NFKB1: variants seen among roughly 807,000 people sequenced by gnomAD.
NFKB1 encodes the protein nuclear factor kappa B subunit 1.
Under a neutral mutation model 105.1 loss-of-function variants are expected in NFKB1, and 9 were observed. The observed-to-expected ratio is 0.09, with a 90% CI of 0.05 to 0.15. The LOEUF is 0.15. Ranked by LOEUF, NFKB1 falls within the 10% of genes least tolerant of loss-of-function variation. The pLI is 1.00. For synonymous variants in NFKB1, 440 were observed against 442.2 expected, an observed-to-expected ratio of 1.00 and a Z score of 0.06; for missense variants, 830 against 1,203.7, an observed-to-expected ratio of 0.69 and a Z score of 4.59.
intron 5 of NFKB1, among the ~76,000 whole-genome samples, chr4:102,563,460 C>A (rs575579654): frequency 6.6e-6 from 1 of 151,930 alleles, no homozygotes; most frequent in Non-Finnish European, 1.5e-5. Flanking sequence ...AAAAAACTTT[C>A]AGGATGGTCA....
intron 5 of NFKB1, among the ~76,000 whole-genome samples, chr4:102,556,422 C>T (rs189995028): frequency 6.6e-5 from 10 of 152,254 alleles, no homozygotes; most frequent in Admixed American, 5.2e-4. Flanking sequence ...GACTGAGCAT[C>T]GATCTCTGCT....
chr4:102,530,400 C>T (rs547060834), intron 3 of NFKB1, among the ~76,000 whole-genome samples: 1 of 152,242 alleles, frequency 6.6e-6, no homozygotes, highest in South Asian at 2.1e-4. Context: ...TTGGATAAAA[C>T]TCATAATCCT....
At chr4:102,541,751 T>A (rs1742012436) in intron 5 of NFKB1, among the ~76,000 whole-genome samples, 1 of 152,132 alleles carries the variant, frequency 6.6e-6, no homozygotes. Flanking sequence ...AAATGATACT[T>A]CTGAGCCTAC....
At chr4:102,615,499 G>T (rs1728866969) in intron 23 of NFKB1, among the ~76,000 whole-genome samples, 1 of 152,210 alleles carries the variant, frequency 6.6e-6, no homozygotes, top group African/African-American at 2.4e-5. Flanking sequence ...CCGCACTTGA[G>T]AAAGGAATAA....
chr4:102,549,116 A>G (rs1048982036), intron 5 of NFKB1, among the ~76,000 whole-genome samples: 4 of 152,130 alleles, frequency 2.6e-5, no homozygotes, highest in African/African-American at 9.7e-5. Context: ...TCAGTTAATC[A>G]TAGAAATACT....
At chr4:102,512,129 T>TA (rs1204943366) in intron 1 of NFKB1, among the ~76,000 whole-genome samples, 1 of 152,188 alleles carries the variant, frequency 6.6e-6, no homozygotes, top group Non-Finnish European at 1.5e-5. Context: ...CAGTTGTTAG[T>TA]AAAAAATAGA....
chr4:102,593,251 T>C (rs1254462946), intron 11 of NFKB1, 174 bp from the exon 12 acceptor site: 8 of 624,202 alleles, frequency 1.3e-5, no homozygotes, highest in African/African-American at 3.7e-5. Context: ...TCAGCCTTCA[T>C]ACCCATTGGA....
At chr4:102,506,915 A>G (rs1435416472) in intron 1 of NFKB1, among the ~76,000 whole-genome samples, 3 of 151,152 alleles carry the variant, frequency 2.0e-5, no homozygotes, top group African/African-American at 4.8e-5. Flanking sequence ...ATACTGATAT[A>G]TATTAGTTAC....
chr4:102,553,131 G>A (rs1722744099), intron 5 of NFKB1, among the ~76,000 whole-genome samples: 2 of 152,104 alleles, frequency 1.3e-5, no homozygotes, highest in South Asian at 4.1e-4. Flanking sequence ...CAGTTAATTG[G>A]CTTTGTTCCC....
At chr4:102,611,189 A>G (rs1238784154) in intron 20 of NFKB1, among the ~76,000 whole-genome samples, 1 of 152,236 alleles carries the variant, frequency 6.6e-6, no homozygotes, top group Non-Finnish European at 1.5e-5. Context: ...TAAAGCAGTT[A>G]CTAGGTCATT....
chr4:102,505,616 G>T (rs1235991259), intron 1 of NFKB1, among the ~76,000 whole-genome samples: 1 of 152,044 alleles, frequency 6.6e-6, no homozygotes. Flanking sequence ...TTCATCTATG[G>T]ATCCTATTAG....
chr4:102,606,748 T>C (rs752312936), intron 17 of NFKB1, 51 bp downstream of exon 17: 18 of 1,524,138 alleles, frequency 1.2e-5, no homozygotes, highest in Non-Finnish European at 1.4e-5. Flanking sequence ...CTTCTAAATA[T>C]CTACTAGGTA....
At chr4:102,529,424 A>G (rs1450363035) in intron 2 of NFKB1, among the ~76,000 whole-genome samples, 1 of 152,196 alleles carries the variant, frequency 6.6e-6, no homozygotes, top group Non-Finnish European at 1.5e-5. Context: ...GGAAATACTG[A>G]TTTCTAGGAT....
rs1169261544 is a variant in NFKB1, at chr4:102,607,726, G to A, written c.2202G>A (p.Arg734=). The A allele has an allele frequency of 6.2e-7, 1 of 1,614,194 alleles. No homozygotes were observed. Among genetic ancestry groups the A allele is most frequent in the Non-Finnish European group, 8.5e-7 (1 of 1,180,026 alleles). The change falls in exon 19 of 24, where the codon AGG becomes AGA. Residue 734 remains arginine (R), a synonymous_variant. Transcript: ENST00000226574. The stretch of plus-strand genomic sequence containing the variant: ...TAGCAGCTGGGAGAGGGTCCACCAG[G>A]CTGGCAGCTCTTCTCAAAGCAGCAG... The part of the protein sequence containing the change: ...LHIAAGRGST[R]LAALLKAAGA...
In NFKB1 at chr4:102,584,595, A is replaced by G. The variant is rs930605872; in HGVS notation, c.928-87A>G. 1.5e-5 allele frequency: 20 copies of G among 1,331,868 alleles called. No individual in the cohort carries two copies. In the African/African-American group the frequency reaches 2.7e-4, roughly 18 times the overall value. The allele number at this position is 1,331,868 out of a possible 1,614,324, so 82.5% of individuals were successfully genotyped here. A position where few individuals can be genotyped will look rare whatever the true frequency, so the allele number is the denominator to read the frequency against. On this transcript the variant is annotated intron_variant, in intron 10 of 23. Coordinates refer to ENST00000226574, the MANE Select transcript of NFKB1 (RefSeq NM_003998.4). Reference sequence around the variant, plus strand: ...CTAAACATTGGGTATAAAGAAAAGCATAAGGAATGTGTTTAATGAGTAGCA... The same window carrying G: ...CTAAACATTGGGTATAAAGAAAAGCGTAAGGAATGTGTTTAATGAGTAGCA...
At chr4:102,601,822 C>G (rs1323094457) in intron 16 of NFKB1, among the ~76,000 whole-genome samples, 1 of 152,196 alleles carries the variant, frequency 6.6e-6, no homozygotes, top group Non-Finnish European at 1.5e-5. Context: ...AGATGGGGTT[C>G]GGCTCCTGAG....
chr4:102,590,516 C>T (rs371374269), intron 11 of NFKB1, among the ~76,000 whole-genome samples: 1 of 152,128 alleles, frequency 6.6e-6, no homozygotes, highest in Non-Finnish European at 1.5e-5. Flanking sequence ...TTTGGTAATT[C>T]TCTCAATACT....
intron 8 of NFKB1, among the ~76,000 whole-genome samples, chr4:102,579,636 C>CAAA (rs1288717126): frequency 5.6e-5 from 6 of 106,300 alleles, no homozygotes; most frequent in African/African-American, 1.8e-4. Context: ...GACCCCATCT[C>CAAA]AAAAAAAAAA....
Position 102,559,577 on chromosome 4 carries a change from A to G in NFKB1, c.259-7410A>G, listed in dbSNP as rs547972932. ...AGAGGATATTTTTTTGAAGATTTGA[A>G]TTAATATTATATATATTATACTTTA... is the stretch of plus-strand genomic sequence containing the variant. On this transcript the variant is annotated intron_variant, in intron 5 of 23. Coordinates refer to ENST00000226574, the MANE Select transcript of NFKB1 (RefSeq NM_003998.4). Among the ~76,000 whole-genome samples, 5 of 152,168 alleles carry G rather than the reference A, an allele frequency of 3.3e-5. No individual in the cohort carries two copies. In the South Asian group the frequency reaches 6.2e-4, roughly 19 times the overall value.
Sources: allele counts gnomAD v4.1 joint callset (sites outside exome capture counted in the v4.1 genomes callset), GRCh38; gene constraint gnomAD v4.1.1; transcripts MANE v1.5; gene names NCBI Gene and HGNC (gene_info 2026-07-23, HGNC 2026-07-21).